Variants in NOS1 observed in about 807,000 individuals in gnomAD.
NOS1 encodes nitric oxide synthase 1, also known as NOS type I.
Under a neutral mutation model 164.5 loss-of-function variants are expected in NOS1, and 51 were observed. The observed-to-expected ratio is 0.31, with a 90% CI of 0.25 to 0.39. The LOEUF (loss-of-function observed/expected upper bound fraction) is 0.39, where lower values mean the gene tolerates loss of function less well. NOS1 is among the 10% of genes least tolerant of loss of function. The probability of loss-of-function intolerance (pLI) is 1.00; values close to 1 mark genes in which losing one functional copy is unlikely to be tolerated. For synonymous variants in NOS1, 719 were observed against 745.8 expected, an observed-to-expected ratio of 0.96 and a Z score of 0.59; for missense variants, 1,362 against 1,885.6, an observed-to-expected ratio of 0.72 and a Z score of 5.14.
At chr12:117,357,792 C>T (rs188634768) in intron 1 of NOS1, among the ~76,000 whole-genome samples, 3 of 152,242 alleles carry the variant, frequency 2.0e-5, no homozygotes, top group Non-Finnish European at 2.9e-5. Context: ...GTTTGGCGTT[C>T]GCTGGATTAG....
intron 3 of NOS1, among the ~76,000 whole-genome samples, chr12:117,292,257 G>C (rs1873111549): frequency 6.6e-6 from 1 of 152,180 alleles, no homozygotes; most frequent in Admixed American, 6.5e-5. Context: ...AAAATGGGGA[G>C]GTGACTGTAA....
intron 9 of NOS1, 29 bp downstream of exon 9, chr12:117,277,930 C>T: frequency 6.3e-7 from 1 of 1,592,388 alleles, no homozygotes; most frequent in South Asian, 1.1e-5. Flanking sequence ...CCCACTCACC[C>T]TCTCCCACCC....
In NOS1 at chr12:117,268,053, T is replaced by C. The variant is rs1872548798; in HGVS notation, c.1931A>G (p.Tyr644Cys). The stretch of plus-strand genomic sequence containing the variant: ...GGGCCCTGGTGTTACCTGGAAGCTA[T>C]AGAGAACCGCGATATTGATCTCCAC... ...ALVEINIAVL[Y>C]SFQSDKVTIV... The change falls in exon 11 of 29, where the codon TAT (tyrosine) becomes TGT (cysteine). Residue 644 changes from tyrosine (Y) to cysteine (C), a missense_variant. By Grantham distance (194) the Tyr-to-Cys change is radical. Coordinates refer to ENST00000317775, the MANE Select transcript of NOS1 (RefSeq NM_000620.5). 1 of 1,612,894 alleles carries C rather than the reference T, an allele frequency of 6.2e-7. No homozygotes were observed. The highest frequency in any genetic ancestry group is 8.5e-7 in the Non-Finnish European group (1 of 1,179,136).
intron 24 of NOS1, among the ~76,000 whole-genome samples, chr12:117,225,379 A>G (rs925086178): frequency 1.3e-5 from 2 of 152,128 alleles, no homozygotes; most frequent in African/African-American, 4.8e-5. Context: ...TGCTGAGCTC[A>G]GCAAATTCAA....
chr12:117,262,765 T>C (rs1872042566), intron 13 of NOS1, among the ~76,000 whole-genome samples: 1 of 19,094 alleles, frequency 5.2e-5, no homozygotes, highest in Admixed American at 9.2e-4. Flanking sequence ...AGTGGGGTTC[T>C]CTTTTTTTTG....
chr12:117,333,945 G>A (rs1159927364), intron 1 of NOS1, among the ~76,000 whole-genome samples: 1 of 152,148 alleles, frequency 6.6e-6, no homozygotes, highest in Non-Finnish European at 1.5e-5. Context: ...GCTCTCTTGA[G>A]CATCCCGTTT....
intron 2 of NOS1, among the ~76,000 whole-genome samples, chr12:117,313,322 T>A (rs1874523058): frequency 1.3e-5 from 2 of 152,126 alleles, no homozygotes; most frequent in South Asian, 4.1e-4. Flanking sequence ...TTGGAGACAG[T>A]CTCGCCCTGT....
chr12:117,321,548 C>T (rs1011531671), intron 2 of NOS1, among the ~76,000 whole-genome samples: 8 of 152,220 alleles, frequency 5.3e-5, no homozygotes, highest in Non-Finnish European at 8.8e-5. Flanking sequence ...GGCAGGGACA[C>T]AGATGGGGAG....
In NOS1 at chr12:117,218,026, C is replaced by G. The variant is rs1956638528; in HGVS notation, c.4289+20G>C. 1.3e-6 allele frequency: 2 copies of G among 1,559,528 alleles called. No homozygotes were observed. The highest frequency in any genetic ancestry group is 1.4e-5 in the African/African-American group (1 of 73,774). On this transcript the variant is annotated intron_variant, in intron 28 of 28. Transcript: ENST00000317775. ...GAGAGGGCTCTTCCTGCCCCTCACC[C>G]AGGGATGGAGCCAGCTTACTCATCG...
At chr12:117,280,125 G>A (rs933964642) in intron 8 of NOS1, among the ~76,000 whole-genome samples, 1 of 152,130 alleles carries the variant, frequency 6.6e-6, no homozygotes, top group Admixed American at 6.5e-5. Flanking sequence ...CTACCTGCCC[G>A]CACTACCACC....
At position 117,243,069 on chromosome 12, in the gene NOS1, G is replaced by A. The variant is rs1045918345; in HGVS notation, c.2962+228C>T. On this transcript the variant is annotated intron_variant, in intron 19 of 28. Coordinates refer to ENST00000317775, the MANE Select transcript of NOS1 (RefSeq NM_000620.5). The surrounding 1 kb of genome is among the most constrained non-coding windows in gnomAD (Gnocchi z 4.3). ...ATATAGTTGAGTTAAGTTGAGAAGA[G>A]GATGGTTTGGAAGAACACAGTACAT... 6.6e-6 allele frequency among the ~76,000 whole-genome samples: 1 copy of A among 152,134 alleles called. No individual in the cohort carries two copies. Among genetic ancestry groups the A allele is most frequent in the Non-Finnish European group, 1.5e-5 (1 of 68,020 alleles).
intron 28 of NOS1, among the ~76,000 whole-genome samples, chr12:117,216,728 C>T (rs1207777679): frequency 6.6e-6 from 1 of 152,170 alleles, no homozygotes; most frequent in Non-Finnish European, 1.5e-5. Context: ...ATTCACCCAC[C>T]TCAGCTTCCC....
intron 9 of NOS1, among the ~76,000 whole-genome samples, chr12:117,276,317 C>G (rs1873174529): frequency 6.6e-6 from 1 of 152,048 alleles, no homozygotes; most frequent in Non-Finnish European, 1.5e-5. Flanking sequence ...GGGTCTTGCT[C>G]TGTTGCCCAG....
chr12:117,267,250 C>T (rs1009378486), intron 11 of NOS1, among the ~76,000 whole-genome samples: 1 of 152,160 alleles, frequency 6.6e-6, no homozygotes. Flanking sequence ...TAGTGATGCC[C>T]ATTGTCCTGG....
chr12:117,210,006 T>G lies in NOS1; in HGVS notation c.*5303A>C, dbSNP rs531119494. ...ATTTTTTTTAGAGACAGGGTCTTGC[T>G]CTGTCACTCAGGCTGGAGTGCAGTG... On this transcript the variant is annotated 3_prime_UTR_variant, in exon 29 of 29. Transcript: ENST00000317775. The G allele has an allele frequency of 8.2e-6, 8 of 978,680 alleles. No homozygotes were observed. Among genetic ancestry groups the G allele is most frequent in the African/African-American group, 7.0e-5 (4 of 57,190 alleles). The allele number at this position is 978,680 out of a possible 1,614,324, so 60.6% of individuals were successfully genotyped here.
At position 117,227,807 on chromosome 12, in the gene NOS1, A is replaced by G. The variant is rs888082270; in HGVS notation, c.3406-166T>C. ...TTTGGGGGGCCGGGGAGAGAGGATCACTTGAGGCTAGGAGTTCAAGGCCAG... is the reference window on the plus strand; with the variant it reads ...TTTGGGGGGCCGGGGAGAGAGGATCGCTTGAGGCTAGGAGTTCAAGGCCAG... On this transcript the variant is annotated intron_variant, in intron 22 of 28. Transcript: ENST00000317775. Among the ~76,000 whole-genome samples the G allele has an allele frequency of 2.6e-5, 4 of 152,144 alleles. No homozygotes were observed. The East Asian group carries it at 5.8e-4, about 22-fold the overall frequency.
intron 7 of NOS1, among the ~76,000 whole-genome samples, chr12:117,281,068 A>G (rs981489176): frequency 6.6e-6 from 1 of 152,190 alleles, no homozygotes; most frequent in African/African-American, 2.4e-5. Context: ...GGTGTGAGGA[A>G]AACGGTGGAG....
chr12:117,233,453 CTCCCAA>C (rs562422773), intron 21 of NOS1, among the ~76,000 whole-genome samples: 1 of 152,122 alleles, frequency 6.6e-6, no homozygotes, highest in African/African-American at 2.4e-5. Context: ...CCGCTTCAGC[CTCCCAA>C]AGTATTGGGA....
rs1392161702 is a variant in NOS1, at chr12:117,278,116, C to T, written c.1525-18G>A. ...ATGCATATCTGCAAGCAGACCCGGC[C>T]AGGTAATGCCACTGTACCCCACACC... On this transcript the variant is annotated intron_variant, in intron 8 of 28. Coordinates refer to ENST00000317775, the MANE Select transcript of NOS1 (RefSeq NM_000620.5). 1 of 1,603,958 alleles carries T rather than the reference C, an allele frequency of 6.2e-7. No homozygotes were observed.
Sources: gnomAD v4.1 joint callset for allele counts (sites outside exome capture counted in the v4.1 genomes callset) on GRCh38, gnomAD v4.1.1 for gene constraint, Gnocchi (gnomAD v3.1) non-coding constraint, MANE v1.5 for transcripts, NCBI Gene and HGNC (gene_info 2026-07-23, HGNC 2026-07-21) for gene names.